The following TBC1D8 variants were observed in gnomAD, a reference collection of about 807,000 sequenced individuals.
TBC1D8 encodes BUB2-like protein 1.
In TBC1D8, 65 loss-of-function variants were observed where a neutral mutation model predicts 118.8. That is an observed-to-expected ratio of 0.55 (90% CI 0.45 to 0.67). TBC1D8 has a LOEUF of 0.67. Ranked by LOEUF, TBC1D8 falls within the 30% of genes least tolerant of loss-of-function variation. TBC1D8 has a pLI of 0.00. For missense variants in TBC1D8, 1,376 were observed against 1,471.2 expected, an observed-to-expected ratio of 0.94 and a Z score of 1.06; for synonymous variants, 566 against 595.8, an observed-to-expected ratio of 0.95 and a Z score of 0.73.
chr2:101,040,287 G>A lies in TBC1D8; in HGVS notation c.971C>T (p.Thr324Met), dbSNP rs370330869. Reference sequence around the variant, plus strand: ...CGTGGTGTGACAGCGACTGAACGGCGTCCAGAGCGAACAGTCCACAACCGC... The same window carrying A: ...CGTGGTGTGACAGCGACTGAACGGCATCCAGAGCGAACAGTCCACAACCGC... ...LHAVVDCSLWTPFSRCHTTGR... is the reference protein window; with the variant it reads ...LHAVVDCSLWMPFSRCHTTGR... The change falls in exon 6 of 20, where the codon ACG becomes ATG. Residue 324 changes from threonine to methionine, a missense_variant. By Grantham distance (81) the Thr-to-Met change is moderately conservative. Coordinates refer to ENST00000409318, the MANE Select transcript of TBC1D8 (RefSeq NM_001330348.2). 70 of 1,613,972 alleles carry A rather than the reference G, an allele frequency of 4.3e-5. No homozygotes were observed. The African/African-American group carries it at 6.1e-4, about 14-fold the overall frequency.
intron 16 of TBC1D8, 140 bp downstream of exon 16, chr2:101,022,141 T>A: frequency 7.1e-7 from 1 of 1,414,930 alleles, no homozygotes; most frequent in Non-Finnish European, 9.5e-7. Context: ...AGAGTGATAT[T>A]TCAAAATCAT....
chr2:101,048,710 T>C (rs1681860859), intron 5 of TBC1D8, among the ~76,000 whole-genome samples: 2 of 150,026 alleles, frequency 1.3e-5, no homozygotes, highest in Admixed American at 1.3e-4. Context: ...CAGAGGACAG[T>C]GCATGGATTT....
At chr2:101,028,990 G>A (rs1165921343) in intron 12 of TBC1D8, among the ~76,000 whole-genome samples, 2 of 152,208 alleles carry the variant, frequency 1.3e-5, no homozygotes, top group African/African-American at 4.8e-5. Context: ...TCTCACTGTG[G>A]AAAGGAGTGA....
At chr2:101,017,455 T>G (rs1390208054) in intron 17 of TBC1D8, among the ~76,000 whole-genome samples, 1 of 152,176 alleles carries the variant, frequency 6.6e-6, no homozygotes, top group East Asian at 1.9e-4. Context: ...ACATCAGTAA[T>G]GTGTTTTGCT....
chr2:101,038,337 G>T, intron 7 of TBC1D8, 124 bp downstream of exon 7: 1 of 1,133,840 alleles, frequency 8.8e-7, no homozygotes, highest in Non-Finnish European at 1.3e-6. Flanking sequence ...AGAAATGACA[G>T]CAGACCACAC....
At chr2:101,075,496 G>A (rs942693260) in intron 2 of TBC1D8, among the ~76,000 whole-genome samples, 37 of 152,012 alleles carry the variant, frequency 2.4e-4, no homozygotes, top group Admixed American at 1.8e-3. Context: ...CAATTCCCAC[G>A]TGTCAAGGGA....
Position 101,015,293 on chromosome 2 carries a change from C to A in TBC1D8, c.2828-3753G>T, listed in dbSNP as rs569544945. Among the ~76,000 whole-genome samples the A allele has an allele frequency of 3.9e-5, 6 of 152,182 alleles. No individual in the cohort carries two copies. In the South Asian group the frequency reaches 1.0e-3, roughly 26 times the overall value. Reference sequence around the variant, plus strand: ...GACCACTTACTATGAATGGAGGTTGCAGGGCTGTGGAAGCTGTTCTGGGCA... The same window carrying A: ...GACCACTTACTATGAATGGAGGTTGAAGGGCTGTGGAAGCTGTTCTGGGCA... On this transcript the variant is annotated intron_variant, in intron 17 of 19. Coordinates refer to ENST00000409318, the MANE Select transcript of TBC1D8 (RefSeq NM_001330348.2).
intron 4 of TBC1D8, among the ~76,000 whole-genome samples, chr2:101,052,042 C>T (rs1365301651): frequency 6.6e-6 from 1 of 152,202 alleles, no homozygotes; most frequent in Non-Finnish European, 1.5e-5. Context: ...ATATACCTTT[C>T]TCAAGAATAT....
chr2:101,128,614 G>C (rs959041906), intron 1 of TBC1D8, among the ~76,000 whole-genome samples: 1 of 152,206 alleles, frequency 6.6e-6, no homozygotes, highest in Non-Finnish European at 1.5e-5. Flanking sequence ...AGTGAGAGCA[G>C]GATCTCAAAC....
At chr2:101,105,215 A>C (rs1677123987) in intron 1 of TBC1D8, among the ~76,000 whole-genome samples, 1 of 152,162 alleles carries the variant, frequency 6.6e-6, no homozygotes, top group Admixed American at 6.6e-5. Context: ...ACTGACTGAG[A>C]GAAAGTACTT....
At chr2:101,113,588 T>C (rs978961379) in intron 1 of TBC1D8, among the ~76,000 whole-genome samples, 3 of 152,180 alleles carry the variant, frequency 2.0e-5, no homozygotes, top group Non-Finnish European at 4.4e-5. Context: ...ATGCTACTGT[T>C]ACAGACACAA....
chr2:101,036,835 C>G (rs1037027661), intron 8 of TBC1D8, among the ~76,000 whole-genome samples: 11 of 152,208 alleles, frequency 7.2e-5, no homozygotes, highest in African/African-American at 2.4e-4. Context: ...ATTTAACATT[C>G]TCATACATTT....
chr2:101,038,881 CG>C (rs11284885), intron 6 of TBC1D8, among the ~76,000 whole-genome samples: 37,215 of 152,080 alleles, frequency 0.24, 6,156 homozygotes, highest in African/African-American at 0.45. Flanking sequence ...CATACATCGG[CG>C]TATGACCCAG....
intron 2 of TBC1D8, among the ~76,000 whole-genome samples, chr2:101,073,019 T>C (rs1674552975): frequency 6.6e-6 from 1 of 152,212 alleles, no homozygotes. Flanking sequence ...TGTGCTGTCA[T>C]GCAGGCTTTG....
chr2:101,020,931 CCA>C (rs1204405895), intron 17 of TBC1D8, among the ~76,000 whole-genome samples: 2 of 152,148 alleles, frequency 1.3e-5, no homozygotes, highest in African/African-American at 2.4e-5. Flanking sequence ...TTGGTACTAT[CCA>C]CAGTTTCAGG....
At chr2:101,077,085 A>G (rs916736868) in intron 2 of TBC1D8, among the ~76,000 whole-genome samples, 1 of 152,174 alleles carries the variant, frequency 6.6e-6, no homozygotes, top group Admixed American at 6.5e-5. Flanking sequence ...GTGCAGTGGC[A>G]TGATCTTGGC....
chr2:101,074,036 A>C (rs1183580412), intron 2 of TBC1D8, among the ~76,000 whole-genome samples: 2 of 152,274 alleles, frequency 1.3e-5, no homozygotes. Flanking sequence ...TTGGCCCAAG[A>C]GGCCTAGCTT....
chr2:101,114,020 T>C (rs1246311865), intron 1 of TBC1D8, among the ~76,000 whole-genome samples: 1 of 152,222 alleles, frequency 6.6e-6, no homozygotes, highest in African/African-American at 2.4e-5. Context: ...GACACTCTAG[T>C]TGATTAATCT....
At chr2:101,047,697 C>A (rs1022665393) in intron 5 of TBC1D8, among the ~76,000 whole-genome samples, 1 of 152,212 alleles carries the variant, frequency 6.6e-6, no homozygotes, top group Non-Finnish European at 1.5e-5. Context: ...CAGCCCCACG[C>A]ACCTGCAGGC....
Sources: allele counts gnomAD v4.1 joint callset (sites outside exome capture counted in the v4.1 genomes callset), GRCh38; gene constraint gnomAD v4.1.1; transcripts MANE v1.5; gene names NCBI Gene and HGNC (gene_info 2026-07-23, HGNC 2026-07-21).